Variants in AKAP9 observed in about 807,000 individuals in gnomAD.
The protein encoded by AKAP9 is A-kinase anchor protein 9.
In AKAP9, 311 loss-of-function variants were observed where a neutral mutation model predicts 488.5. The ratio of observed to expected loss-of-function variants is 0.64; its 90% CI spans 0.58 to 0.70. The LOEUF (loss-of-function observed/expected upper bound fraction) is 0.70, where lower values mean the gene tolerates loss of function less well. Among genes scored for constraint, AKAP9 ranks in the 30% least tolerant of loss-of-function variants. The pLI is 0.00. For missense variants in AKAP9, 4,215 were observed against 4,374.5 expected (o/e 0.96, Z 1.03); for synonymous variants, 1,462 against 1,483.5 (o/e 0.99, Z 0.33).
chr7:92,097,762 ACTACAGGTT>A lies in AKAP9; in HGVS notation c.10580_10588del (p.Gln3527_Leu3529del). The stretch of plus-strand genomic sequence containing the variant: ...AAAAGCTTCAATGTGTAGCTTCAAA[ACTACAGGTT>A]CTACCCCAGAAAGCCTCTGAGAGGT... On this transcript the variant is annotated inframe_deletion, in exon 42 of 50. Coordinates refer to ENST00000356239, the MANE Select transcript of AKAP9 (RefSeq NM_005751.5). 1.9e-6 allele frequency: 3 copies of A among 1,614,174 alleles called. No homozygotes were observed. In the South Asian group the frequency reaches 3.3e-5, roughly 18 times the overall value.
intron 1 of AKAP9, among the ~76,000 whole-genome samples, chr7:91,971,810 C>G (rs1354941430): frequency 6.6e-6 from 1 of 151,434 alleles, no homozygotes; most frequent in African/African-American, 2.4e-5. Context: ...ACCTCGTGAT[C>G]CTCCCGCCTC....
At position 92,097,304 on chromosome 7, in the gene AKAP9, G is replaced by C. The variant is rs1816787403; in HGVS notation, c.10345G>C (p.Glu3449Gln). 8.1e-6 allele frequency: 13 copies of C among 1,613,818 alleles called. No individual in the cohort carries two copies. Among genetic ancestry groups the C allele is most frequent in the Non-Finnish European group, 9.3e-6 (11 of 1,179,996 alleles). ...GCAGGAATTCCAGAAGCAAGAACTA[G>C]AACGAGAAGAAAAACGAGAAAGTAG... ...IMQEFQKQELEREEKRESRRI... is the reference protein window; with the variant it reads ...IMQEFQKQELQREEKRESRRI... The change falls in exon 41 of 50, where the codon GAA becomes CAA. Residue 3449 changes from glutamate to glutamine, a missense_variant. Transcript: ENST00000356239.
chr7:92,018,661 C>T (rs1202099980), intron 12 of AKAP9, among the ~76,000 whole-genome samples: 1 of 152,114 alleles, frequency 6.6e-6, no homozygotes, highest in Non-Finnish European at 1.5e-5. Flanking sequence ...GTATTTGCTG[C>T]TTTCTGATAA....
intron 23 of AKAP9, among the ~76,000 whole-genome samples, 199 bp downstream of exon 23, chr7:92,061,621 A>ATATATATATAT (rs1809856756): frequency 9.8e-4 from 92 of 93,812 alleles, no homozygotes; most frequent in East Asian, 3.8e-3. Flanking sequence ...TATATATATA[A>ATATATATATAT]AATTATAAAA....
At chr7:91,999,370 C>A (rs757865578) in intron 7 of AKAP9, among the ~76,000 whole-genome samples, 13 of 152,122 alleles carry the variant, frequency 8.5e-5, no homozygotes, top group Non-Finnish European at 1.5e-4. Flanking sequence ...GGATCACGGG[C>A]GCCCAGCCCC....
intron 8 of AKAP9, among the ~76,000 whole-genome samples, chr7:92,007,500 T>A (rs189627728): frequency 2.3e-4 from 35 of 152,170 alleles, no homozygotes; most frequent in African/African-American, 7.7e-4. Context: ...GATTTATATC[T>A]TTAATGTAAA....
intron 45 of AKAP9, 129 bp from the exon 46 acceptor site, chr7:92,102,465 A>G (rs997863276): frequency 4.5e-6 from 3 of 673,582 alleles, no homozygotes; most frequent in Non-Finnish European, 8.0e-6. Flanking sequence ...TACTACTACT[A>G]CTACTACTAC....
Position 92,022,864 on chromosome 7 carries a change from A to AAC in AKAP9, c.4004_4005insCA (p.Lys1335AsnfsTer10). ...TTCTCTGCAAGATCTTGAAAAAACT[A>AAC]AACTTGAAGAACAAGTTCAAGAATT... On this transcript the variant is annotated frameshift_variant, in exon 14 of 50. Coordinates refer to ENST00000356239, the MANE Select transcript of AKAP9 (RefSeq NM_005751.5). LOFTEE classifies it high-confidence loss of function. 3 of 1,608,572 alleles carry AAC rather than the reference A, an allele frequency of 1.9e-6. No homozygotes were observed. Among genetic ancestry groups the AAC allele is most frequent in the Non-Finnish European group, 2.6e-6 (3 of 1,175,706 alleles).
rs907212333 is a variant in AKAP9, at chr7:92,041,958, C to T, written c.4918-88C>T. ...ATAAGTAGAACCAGGGCCTGTTGGT[C>T]CCGGGGGTTAAAAGAAATCTGCTTA... On this transcript the variant is annotated intron_variant, in intron 18 of 49. Coordinates refer to ENST00000356239, the MANE Select transcript of AKAP9 (RefSeq NM_005751.5). The T allele has an allele frequency of 1.3e-5, 19 of 1,437,336 alleles. No individual in the cohort carries two copies. In the African/African-American group the frequency reaches 1.8e-4, roughly 14 times the overall value. 89.0% of individuals were successfully genotyped at this position (1,437,336 alleles called of 1,614,324 possible).
At chr7:92,067,250 T>C (rs932521755) in intron 26 of AKAP9, among the ~76,000 whole-genome samples, 5 of 152,234 alleles carry the variant, frequency 3.3e-5, no homozygotes, top group African/African-American at 1.2e-4. Context: ...GTGACATTTC[T>C]GTTAAGTTCC....
At chr7:92,039,906 T>C (rs963549357) in intron 17 of AKAP9, among the ~76,000 whole-genome samples, 1 of 152,162 alleles carries the variant, frequency 6.6e-6, no homozygotes, top group Non-Finnish European at 1.5e-5. Flanking sequence ...ACTGGGGAGA[T>C]GAAGGTTGCA....
chr7:92,027,802 A>G (rs112006729), intron 14 of AKAP9, among the ~76,000 whole-genome samples: 62,999 of 151,890 alleles, frequency 0.41, 13,551 homozygotes, highest in African/African-American at 0.51. Context: ...AAGAGACAGC[A>G]ACCATTGAGA....
In AKAP9 at chr7:92,066,412, G is replaced by T. The variant is rs1246863080; in HGVS notation, c.6211-15G>T. ...TGTTTCTTCAGCTACTATCATTATT[G>T]TCATTAAACTTTAGGAGCAAGCCAT... On this transcript the variant is annotated splice_polypyrimidine_tract_variant and intron_variant, in intron 25 of 49. Coordinates refer to ENST00000356239, the MANE Select transcript of AKAP9 (RefSeq NM_005751.5). 3 of 1,612,124 alleles carry T rather than the reference G, an allele frequency of 1.9e-6. No individual in the cohort carries two copies. The African/African-American group carries it at 4.0e-5, about 22-fold the overall frequency.
chr7:92,071,162 T>TA (rs1483329096), intron 28 of AKAP9, among the ~76,000 whole-genome samples, 153 bp downstream of exon 28: 2 of 152,150 alleles, frequency 1.3e-5, no homozygotes, highest in Non-Finnish European at 2.9e-5. Flanking sequence ...TTGAAGGCAG[T>TA]AAACATATGA....
chr7:92,012,623 T>G lies in AKAP9; in HGVS notation c.3513T>G (p.Thr1171=). 1 of 1,611,152 alleles carries G rather than the reference T, an allele frequency of 6.2e-7. No homozygotes were observed. The highest frequency in any genetic ancestry group is 8.5e-7 in the Non-Finnish European group (1 of 1,177,608). ...LQKIHQLELQ[T]MKTQETGDEG... is the part of the protein sequence containing the mutation. ...AAATACACCAGTTAGAACTACAGACTATGAAAACACAAGAAACAGGTAAAA... is the reference window on the plus strand; with the variant it reads ...AAATACACCAGTTAGAACTACAGACGATGAAAACACAAGAAACAGGTAAAA... The change falls in exon 9 of 50, where the codon ACT becomes ACG. Residue 1171 remains threonine, a synonymous_variant. Transcript: ENST00000356239.
At chr7:92,071,478 T>C (rs529843683) in intron 28 of AKAP9, among the ~76,000 whole-genome samples, 1 of 152,174 alleles carries the variant, frequency 6.6e-6, no homozygotes, top group Admixed American at 6.5e-5. Flanking sequence ...AGATTAATAG[T>C]AAATTGCTTT....
At position 92,099,610 on chromosome 7, in the gene AKAP9, G is replaced by A. The variant is rs1027707906; in HGVS notation, c.10714-77G>A. Reference sequence around the variant, plus strand: ...CCAATTCATGAATTCTGTTGTTCTCGGTGCCTATTCACACTTTATATGCAT... The same window carrying A: ...CCAATTCATGAATTCTGTTGTTCTCAGTGCCTATTCACACTTTATATGCAT... On this transcript the variant is annotated intron_variant, in intron 43 of 49. Transcript: ENST00000356239. 13 of 1,347,856 alleles carry A rather than the reference G, an allele frequency of 9.6e-6. No homozygotes were observed. In the African/African-American group the frequency reaches 1.0e-4, roughly 10 times the overall value. The allele number at this position is 1,347,856 out of a possible 1,614,324, so 83.5% of individuals were successfully genotyped here. A position where few individuals can be genotyped will look rare whatever the true frequency, so the allele number is the denominator to read the frequency against.
rs1247734757 is a variant in AKAP9, at chr7:92,097,583, CA to C, written c.10399-2del. Reference sequence around the variant, plus strand: ...GTTTTCTTATTCTGTCCAAAATTGCCAGCCAACCACGTGGAGCTTAACCAGT... The same window carrying C: ...GTTTTCTTATTCTGTCCAAAATTGCCGCCAACCACGTGGAGCTTAACCAGT... On this transcript the variant is annotated splice_acceptor_variant, in intron 41 of 49. Coordinates refer to ENST00000356239, the MANE Select transcript of AKAP9 (RefSeq NM_005751.5). LOFTEE classifies it high-confidence loss of function. 1.2e-6 allele frequency: 2 copies of C among 1,612,954 alleles called. No individual in the cohort carries two copies. The highest frequency in any genetic ancestry group is 2.2e-5 in the South Asian group (2 of 90,958).
At chr7:91,988,955 G>A (rs1648738578) in intron 3 of AKAP9, among the ~76,000 whole-genome samples, 1 of 152,110 alleles carries the variant, frequency 6.6e-6, no homozygotes, top group African/African-American at 2.4e-5. Flanking sequence ...AATGGGGGAC[G>A]ATGATATCTA....
Sources: gnomAD v4.1 joint callset for allele counts (sites outside exome capture counted in the v4.1 genomes callset) on GRCh38, gnomAD v4.1.1 for gene constraint, MANE v1.5 for transcripts, NCBI Gene and HGNC (gene_info 2026-07-23, HGNC 2026-07-21) for gene names.